The following KBTBD12 variants were observed in gnomAD, a reference collection of about 807,000 sequenced individuals.
KBTBD12 encodes kelch repeat and BTB domain containing 12, also known as kelch repeat and BTB domain-containing protein 12.
KBTBD12 carries 53 observed loss-of-function variants against 58.7 expected under a neutral mutation model. That is an observed-to-expected ratio of 0.90 (90% CI 0.72 to 1.14). KBTBD12 has a LOEUF of 1.14. Ranked by LOEUF, KBTBD12 falls within the 50% of genes most tolerant of loss-of-function variation. KBTBD12 has a pLI of 0.00. For synonymous variants in KBTBD12, 236 were observed against 259.8 expected (o/e 0.91, Z 0.88); for missense variants, 704 against 751.3 (o/e 0.94, Z 0.74).
intron 1 of KBTBD12, among the ~76,000 whole-genome samples, chr3:127,921,107 C>A (rs777820095): frequency 6.6e-6 from 1 of 152,022 alleles, no homozygotes; most frequent in Non-Finnish European, 1.5e-5. Context: ...CTTTACCAAG[C>A]CAGTTTTACC....
intron 4 of KBTBD12, among the ~76,000 whole-genome samples, chr3:127,961,801 C>T (rs900953736): frequency 6.6e-6 from 1 of 152,000 alleles, no homozygotes; most frequent in Non-Finnish European, 1.5e-5. Flanking sequence ...GGCCAGTGAG[C>T]AAGATAGGAA....
intron 5 of KBTBD12, among the ~76,000 whole-genome samples, chr3:127,974,277 G>A (rs904006390): frequency 4.6e-5 from 7 of 152,182 alleles, no homozygotes; most frequent in African/African-American, 1.4e-4. Context: ...CTTGCAGGAG[G>A]CATCTGAATC....
intron 5 of KBTBD12, among the ~76,000 whole-genome samples, chr3:127,965,049 G>C (rs1940536465): frequency 6.6e-6 from 1 of 152,220 alleles, no homozygotes; most frequent in African/African-American, 2.4e-5. Flanking sequence ...CCTCCAGCTT[G>C]CTTACATGAG....
In KBTBD12 at chr3:127,930,189, C is replaced by A. The variant is rs200929948; in HGVS notation, c.1398C>A (p.Asp466Glu). The change falls in exon 4 of 6, where the codon GAC becomes GAA. Residue 466 changes from aspartate (D) to glutamate (E), a missense_variant. By Grantham distance (45) the Asp-to-Glu change is conservative. Transcript: ENST00000405109. ...TAAGCAACAAACTGTTGCAGTATGA[C>A]CCCAGCCAAGATCAATGGAGTGTGC... ...DRLSNKLLQY[D>E]PSQDQWSVRA... 6 of 1,605,294 alleles carry A rather than the reference C, an allele frequency of 3.7e-6. No homozygotes were observed. Among genetic ancestry groups the A allele is most frequent in the Non-Finnish European group, 5.1e-6 (6 of 1,175,496 alleles).
chr3:127,939,717 C>CA (rs1240760546), intron 4 of KBTBD12, among the ~76,000 whole-genome samples: 7 of 150,922 alleles, frequency 4.6e-5, no homozygotes, highest in African/African-American at 1.7e-4. Context: ...AGAGACCAAA[C>CA]AAAGCAAGCA....
chr3:127,946,298 A>G (rs921013713), intron 4 of KBTBD12, among the ~76,000 whole-genome samples: 2 of 151,930 alleles, frequency 1.3e-5, no homozygotes, highest in African/African-American at 4.8e-5. Flanking sequence ...TTTCTTTAAT[A>G]CTTATGGTAG....
At chr3:127,971,278 C>A (rs1940678779) in intron 5 of KBTBD12, among the ~76,000 whole-genome samples, 1 of 152,180 alleles carries the variant, frequency 6.6e-6, no homozygotes, top group South Asian at 2.1e-4. Context: ...AGAAATCCTG[C>A]CTTTTAAGGG....
intron 4 of KBTBD12, among the ~76,000 whole-genome samples, chr3:127,956,958 G>A (rs1319242380): frequency 1.3e-5 from 2 of 152,100 alleles, no homozygotes; most frequent in African/African-American, 4.8e-5. Flanking sequence ...ACTATATTTG[G>A]TATCTTCAGT....
intron 2 of KBTBD12, among the ~76,000 whole-genome samples, chr3:127,924,379 T>C (rs1165642840): frequency 6.7e-6 from 1 of 148,548 alleles, no homozygotes; most frequent in East Asian, 1.9e-4. Flanking sequence ...ATATAATGTA[T>C]ATTATATAAA....
Position 127,922,987 on chromosome 3 carries a change from C to T in KBTBD12, c.-75C>T, listed in dbSNP as rs898056397. 1.1e-5 allele frequency: 9 copies of T among 799,202 alleles called. No homozygotes were observed. Among genetic ancestry groups the T allele is most frequent in the Middle Eastern group, 3.8e-4 (1 of 2,646 alleles). The allele number at this position is 799,202 out of a possible 1,614,324, so 49.5% of individuals were successfully genotyped here. On this transcript the variant is annotated 5_prime_UTR_variant, in exon 2 of 6. An upstream open reading frame in the 5' UTR gains an earlier in-frame stop. Transcript: ENST00000405109. ...ACATCTTTGTAGCTTCATGAGTAAT[C>T]AGACATGCAAATAGCCCCTCAGGAA...
At chr3:127,975,773 A>T (rs1024593507) in intron 5 of KBTBD12, among the ~76,000 whole-genome samples, 1 of 152,234 alleles carries the variant, frequency 6.6e-6, no homozygotes, top group Non-Finnish European at 1.5e-5. Flanking sequence ...AACTCTATCA[A>T]GCTAGGAAAG....
intron 5 of KBTBD12, among the ~76,000 whole-genome samples, chr3:127,967,924 T>C (rs1403470166): frequency 1.3e-5 from 2 of 152,220 alleles, no homozygotes; most frequent in East Asian, 1.9e-4. Context: ...TTTGATAGCA[T>C]ACAGCCTTAG....
At chr3:127,936,281 T>C (rs1199871421) in intron 4 of KBTBD12, among the ~76,000 whole-genome samples, 1 of 151,568 alleles carries the variant, frequency 6.6e-6, no homozygotes, top group Admixed American at 6.6e-5. Context: ...CAGGAGAATC[T>C]CTTGAACCCG....
At chr3:127,977,158 G>A (rs1055382828) in intron 5 of KBTBD12, among the ~76,000 whole-genome samples, 1 of 152,202 alleles carries the variant, frequency 6.6e-6, no homozygotes, top group African/African-American at 2.4e-5. Context: ...CCATGTTGCT[G>A]CAAATGACAT....
intron 1 of KBTBD12, among the ~76,000 whole-genome samples, chr3:127,919,251 A>G (rs1418657975): frequency 1.3e-5 from 2 of 152,102 alleles, no homozygotes; most frequent in African/African-American, 4.8e-5. Flanking sequence ...AAATTTGGAA[A>G]TAACTTAAAC....
intron 4 of KBTBD12, among the ~76,000 whole-genome samples, chr3:127,933,902 A>G (rs1443440219): frequency 6.6e-6 from 1 of 152,202 alleles, no homozygotes; most frequent in East Asian, 1.9e-4. Flanking sequence ...GTTAAAAACA[A>G]CAACAAAAAG....
chr3:127,919,018 C>G (rs1939331864), intron 1 of KBTBD12, among the ~76,000 whole-genome samples: 1 of 152,084 alleles, frequency 6.6e-6, no homozygotes, highest in South Asian at 2.1e-4. Flanking sequence ...TTTCTGACAT[C>G]ATAATGTTGA....
chr3:127,963,105 G>A, intron 4 of KBTBD12, 84 bp from the exon 5 acceptor site: 3 of 1,220,590 alleles, frequency 2.5e-6, no homozygotes, highest in Non-Finnish European at 3.4e-6. Context: ...ATAAACCTTT[G>A]ATACAAACCA....
In KBTBD12 at chr3:127,974,050, C is replaced by T. The variant is rs139765418; in HGVS notation, c.1691-10047C>T. Among the ~76,000 whole-genome samples, 173 of 152,308 alleles carry T rather than the reference C, an allele frequency of 1.1e-3. 1 individual carries two copies. Among genetic ancestry groups the T allele is most frequent in the East Asian group, 0.011 (57 of 5,194 alleles). ...TATACCATATACCCATACATACATA[C>T]ACTGTCTATATCATATATATAAAAA... On this transcript the variant is annotated intron_variant, in intron 5 of 5. Transcript: ENST00000405109.
Sources: gnomAD v4.1 joint callset for allele counts (sites outside exome capture counted in the v4.1 genomes callset) on GRCh38, gnomAD v4.1.1 for gene constraint, MANE v1.5 for transcripts, NCBI Gene and HGNC (gene_info 2026-07-23, HGNC 2026-07-21) for gene names.